Variants in SORCS2 observed in about 807,000 individuals in gnomAD.
SORCS2 encodes the protein sortilin related VPS10 domain containing receptor 2.
SORCS2 carries 100 observed loss-of-function variants against 141.6 expected under a neutral mutation model. The observed-to-expected ratio is 0.71, with a 90% CI of 0.60 to 0.83. The LOEUF is 0.83. Among genes scored for constraint, SORCS2 ranks in the 40% least tolerant of loss-of-function variants. SORCS2 has a pLI of 0.00. For synonymous variants in SORCS2, 789 were observed against 676.9 expected (o/e 1.17, Z -2.57); for missense variants, 1,646 against 1,560.2 (o/e 1.05, Z -0.93).
At chr4:7,459,458 C>T (rs139450232) in intron 2 of SORCS2, among the ~76,000 whole-genome samples, 1 of 152,250 alleles carries the variant, frequency 6.6e-6, no homozygotes, top group African/African-American at 2.4e-5. Context: ...GTAAAATGGG[C>T]TTTACCATTC....
chr4:7,288,985 G>A (rs1716426383), intron 1 of SORCS2, among the ~76,000 whole-genome samples: 1 of 151,654 alleles, frequency 6.6e-6, no homozygotes, highest in Non-Finnish European at 1.5e-5. Flanking sequence ...CACAGTGTTT[G>A]TGTCATGCTG....
intron 3 of SORCS2, among the ~76,000 whole-genome samples, chr4:7,578,638 G>A (rs566809658): frequency 1.3e-5 from 2 of 152,332 alleles, no homozygotes; most frequent in East Asian, 3.9e-4. Context: ...CCGAGAATGA[G>A]TGTTGAGTGC....
chr4:7,483,652 G>C (rs34378442), intron 2 of SORCS2, among the ~76,000 whole-genome samples: 1 of 151,830 alleles, frequency 6.6e-6, no homozygotes, highest in African/African-American at 2.4e-5. Flanking sequence ...CAATGCCCAC[G>C]TGTCTTCCAA....
intron 3 of SORCS2, among the ~76,000 whole-genome samples, chr4:7,545,802 A>T (rs1713213563): frequency 6.6e-6 from 1 of 152,228 alleles, no homozygotes. Context: ...ACCAGAGTGC[A>T]CGCTCTGCCT....
chr4:7,626,388 T>C (rs1028597084), intron 3 of SORCS2, among the ~76,000 whole-genome samples: 5 of 152,324 alleles, frequency 3.3e-5, no homozygotes, highest in African/African-American at 9.6e-5. Context: ...ATTTAGTCAT[T>C]CCATAGGTGT....
chr4:7,562,986 G>A (rs1480046569), intron 3 of SORCS2, among the ~76,000 whole-genome samples: 2 of 152,176 alleles, frequency 1.3e-5, no homozygotes, highest in South Asian at 2.1e-4. Flanking sequence ...TCTGAGGTTC[G>A]AGGTGAGCAT....
At chr4:7,710,559 C>A (rs765688550) in intron 14 of SORCS2, among the ~76,000 whole-genome samples, 2 of 152,166 alleles carry the variant, frequency 1.3e-5, no homozygotes, top group Non-Finnish European at 2.9e-5. Flanking sequence ...GAGACCAATG[C>A]CCCAGGCATT....
chr4:7,418,422 A>G (rs1340333097), intron 2 of SORCS2, among the ~76,000 whole-genome samples: 1 of 152,194 alleles, frequency 6.6e-6, no homozygotes, highest in Non-Finnish European at 1.5e-5. Context: ...AAGTTAGCCA[A>G]CAGTTAGAGG....
intron 1 of SORCS2, among the ~76,000 whole-genome samples, chr4:7,352,709 C>T (rs1364496294): frequency 1.3e-5 from 2 of 152,190 alleles, no homozygotes; most frequent in Non-Finnish European, 2.9e-5. Flanking sequence ...CACAGCCTCA[C>T]ACCTGCTGCA....
intron 19 of SORCS2, among the ~76,000 whole-genome samples, chr4:7,724,147 C>T (rs4689154): frequency 6.3e-5 from 7 of 110,518 alleles, no homozygotes; most frequent in Non-Finnish European, 1.3e-4. Flanking sequence ...TGGTGATGGT[C>T]GTGGTGGTGG....
intron 2 of SORCS2, among the ~76,000 whole-genome samples, chr4:7,447,629 G>C (rs758841222): frequency 1.3e-5 from 2 of 152,126 alleles, no homozygotes; most frequent in Non-Finnish European, 2.9e-5. Flanking sequence ...TCCATGCATT[G>C]GGACTGTGGA....
chr4:7,680,249 A>G (rs1181370495), intron 9 of SORCS2, among the ~76,000 whole-genome samples: 1 of 152,234 alleles, frequency 6.6e-6, no homozygotes, highest in African/African-American at 2.4e-5. Context: ...TCTATAGGCA[A>G]CACTCACACT....
At chr4:7,306,963 C>T (rs1560179833) in intron 1 of SORCS2, among the ~76,000 whole-genome samples, 2 of 152,216 alleles carry the variant, frequency 1.3e-5, no homozygotes, top group African/African-American at 2.4e-5. Context: ...AGGGTCTCCC[C>T]TGCCGTGTGT....
rs866878653 is a variant in SORCS2, at chr4:7,724,926, G to A, written c.2612-228G>A. On this transcript the variant is annotated intron_variant, in intron 19 of 26. Coordinates refer to ENST00000507866, the MANE Select transcript of SORCS2 (RefSeq NM_020777.3). ...GTGATAGTATTGGTGGGAATGGATG[G>A]TGGTAGTAGTGGTGATGGTGGTGGT... Among the ~76,000 whole-genome samples the A allele has an allele frequency of 5.8e-3, 159 of 27,402 alleles. 20 individuals carry two copies. Among genetic ancestry groups the A allele is most frequent in the East Asian group, 0.019 (15 of 774 alleles). 18.0% of individuals were successfully genotyped at this position (27,402 alleles called of 152,430 possible).
At chr4:7,550,786 G>A (rs1713640177) in intron 3 of SORCS2, among the ~76,000 whole-genome samples, 1 of 152,174 alleles carries the variant, frequency 6.6e-6, no homozygotes, top group African/African-American at 2.4e-5. Context: ...CAAACAAAGT[G>A]GGGAGTGTGT....
chr4:7,382,360 C>T (rs761908700), intron 1 of SORCS2, among the ~76,000 whole-genome samples: 3 of 152,118 alleles, frequency 2.0e-5, no homozygotes, highest in Non-Finnish European at 2.9e-5. Context: ...CCTGGTTGTA[C>T]AGTGAGTTCC....
intron 3 of SORCS2, among the ~76,000 whole-genome samples, chr4:7,570,811 G>C (rs1446844686): frequency 6.6e-6 from 1 of 152,180 alleles, no homozygotes; most frequent in African/African-American, 2.4e-5. Context: ...CAGGGTCCAG[G>C]CCTCAACTAT....
intron 2 of SORCS2, among the ~76,000 whole-genome samples, chr4:7,469,735 A>C (rs374971352): frequency 3.9e-5 from 6 of 152,242 alleles, no homozygotes; most frequent in Middle Eastern, 3.4e-3. Context: ...CTGCTTAAAA[A>C]GCTCCCCAGG....
At chr4:7,241,653 G>A (rs374199994) in intron 1 of SORCS2, among the ~76,000 whole-genome samples, 1 of 152,136 alleles carries the variant, frequency 6.6e-6, no homozygotes, top group Non-Finnish European at 1.5e-5. Context: ...CACAGGAGAC[G>A]CACTGAGAAC....
Sources: allele counts gnomAD v4.1 joint callset (sites outside exome capture counted in the v4.1 genomes callset), GRCh38; gene constraint gnomAD v4.1.1; transcripts MANE v1.5; gene names NCBI Gene and HGNC (gene_info 2026-07-23, HGNC 2026-07-21).